Variants in DOCK4 observed in about 807,000 individuals in gnomAD.
DOCK4 encodes dedicator of cytokinesis 4, also known as dedicator of cytokinesis protein 4.
In DOCK4, 97 loss-of-function variants were observed where a neutral mutation model predicts 268.1. That is an observed-to-expected ratio of 0.36 (90% CI 0.31 to 0.43). DOCK4 has a LOEUF of 0.43. Among genes scored for constraint, DOCK4 ranks in the 20% least tolerant of loss-of-function variants. The pLI is 1.00. For missense variants in DOCK4, 2,145 were observed against 2,455.7 expected (o/e 0.87, Z 2.67); for synonymous variants, 954 against 887.2 (o/e 1.08, Z -1.34).
At chr7:111,963,343 T>G (rs879671955) in intron 8 of DOCK4, among the ~76,000 whole-genome samples, 14 of 137,882 alleles carry the variant, frequency 1.0e-4, no homozygotes, top group South Asian at 4.8e-4. Flanking sequence ...CAGGCCAGTG[T>G]GTGTGCGCAC....
At chr7:112,169,035 G>A (rs1817847992) in intron 1 of DOCK4, among the ~76,000 whole-genome samples, 1 of 152,202 alleles carries the variant, frequency 6.6e-6, no homozygotes, top group East Asian at 1.9e-4. Flanking sequence ...AATGTTGGAG[G>A]AGGGCCCTAG....
chr7:111,954,526 A>G (rs1796304726), intron 8 of DOCK4, among the ~76,000 whole-genome samples: 1 of 152,154 alleles, frequency 6.6e-6, no homozygotes, highest in Non-Finnish European at 1.5e-5. Context: ...AAGGGAATGA[A>G]TAACTCCTCC....
At chr7:111,766,696 A>C (rs562629357) in intron 38 of DOCK4, among the ~76,000 whole-genome samples, 127 of 152,366 alleles carry the variant, frequency 8.3e-4, no homozygotes, top group Middle Eastern at 6.8e-3. Flanking sequence ...TATGGGACTA[A>C]GAATGGTATA....
At chr7:112,002,653 A>C (rs1451191683) in intron 2 of DOCK4, among the ~76,000 whole-genome samples, 2 of 152,232 alleles carry the variant, frequency 1.3e-5, no homozygotes, top group African/African-American at 4.8e-5. Flanking sequence ...TAAAAATATC[A>C]TCATAATATA....
intron 1 of DOCK4, among the ~76,000 whole-genome samples, chr7:112,010,537 A>T (rs1801206271): frequency 6.6e-6 from 1 of 152,170 alleles, no homozygotes; most frequent in African/African-American, 2.4e-5. Context: ...CTATGGTTCA[A>T]ATGAACTCAC....
intron 1 of DOCK4, among the ~76,000 whole-genome samples, chr7:112,124,631 C>T (rs1395185754): frequency 1.3e-5 from 2 of 152,150 alleles, no homozygotes; most frequent in African/African-American, 4.8e-5. Flanking sequence ...ATATCATTTC[C>T]TCATTTATAA....
intron 26 of DOCK4, among the ~76,000 whole-genome samples, chr7:111,830,423 C>T (rs571167390): frequency 7.7e-6 from 1 of 130,280 alleles, no homozygotes; most frequent in Non-Finnish European, 1.6e-5. Flanking sequence ...GAGACTCATT[C>T]TCAAAACAAA....
chr7:111,804,727 G>A (rs1277867006), intron 30 of DOCK4, among the ~76,000 whole-genome samples: 1 of 151,906 alleles, frequency 6.6e-6, no homozygotes, highest in African/African-American at 2.4e-5. Context: ...TGCCTTCCAA[G>A]TAGCTAGGAT....
At chr7:112,162,854 C>T (rs1044657516) in intron 1 of DOCK4, among the ~76,000 whole-genome samples, 2 of 152,066 alleles carry the variant, frequency 1.3e-5, no homozygotes, top group African/African-American at 4.8e-5. Flanking sequence ...TTACTTAAAC[C>T]CTAACATATA....
At chr7:112,070,985 C>CA (rs2135668291) in intron 1 of DOCK4, among the ~76,000 whole-genome samples, 1 of 152,136 alleles carries the variant, frequency 6.6e-6, no homozygotes, top group African/African-American at 2.4e-5. Context: ...ACCTAAAAAG[C>CA]AAAAAACAAA....
chr7:111,822,559 G>T, intron 26 of DOCK4, 103 bp from the exon 27 acceptor site: 2 of 1,016,778 alleles, frequency 2.0e-6, no homozygotes, highest in East Asian at 2.7e-5. Context: ...CATTTCCAAA[G>T]CAATTATAGA....
intron 1 of DOCK4, among the ~76,000 whole-genome samples, chr7:112,028,911 T>C (rs569105367): frequency 3.9e-5 from 6 of 152,370 alleles, no homozygotes; most frequent in Non-Finnish European, 8.8e-5. Flanking sequence ...AGACCGCTAA[T>C]TATTTAAACA....
intron 1 of DOCK4, among the ~76,000 whole-genome samples, chr7:112,022,443 G>C (rs949580463): frequency 1.3e-5 from 2 of 152,194 alleles, no homozygotes; most frequent in African/African-American, 4.8e-5. Flanking sequence ...TGTAATTACT[G>C]CTCCTTGAGA....
intron 7 of DOCK4, among the ~76,000 whole-genome samples, chr7:111,978,252 G>A (rs1340741528): frequency 3.3e-5 from 5 of 152,118 alleles, no homozygotes; most frequent in African/African-American, 1.2e-4. Flanking sequence ...TTATTTTTGA[G>A]GCAGTATCTT....
intron 1 of DOCK4, among the ~76,000 whole-genome samples, chr7:112,166,844 T>C (rs1286811355): frequency 1.3e-5 from 2 of 152,234 alleles, no homozygotes; most frequent in East Asian, 3.9e-4. Flanking sequence ...TTCTTTTTTT[T>C]TTTAAGAGAC....
intron 1 of DOCK4, among the ~76,000 whole-genome samples, chr7:112,066,757 G>T (rs1807102068): frequency 8.4e-6 from 1 of 119,340 alleles, no homozygotes; most frequent in South Asian, 2.6e-4. Flanking sequence ...TATTGGCTCT[G>T]TGTCTCTGGA....
intron 1 of DOCK4, among the ~76,000 whole-genome samples, chr7:112,034,206 C>T (rs1354171179): frequency 2.0e-5 from 3 of 152,138 alleles, no homozygotes; most frequent in African/African-American, 7.2e-5. Flanking sequence ...GAATCAAACA[C>T]GATTCCTGAA....
At chr7:111,995,934 C>T (rs1210564207) in intron 4 of DOCK4, among the ~76,000 whole-genome samples, 1 of 152,116 alleles carries the variant, frequency 6.6e-6, no homozygotes, top group Non-Finnish European at 1.5e-5. Context: ...AGACACAGAA[C>T]CTTTTATTAA....
At chr7:111,749,685 G>A (rs1585867438) in intron 42 of DOCK4, among the ~76,000 whole-genome samples, 1 of 152,038 alleles carries the variant, frequency 6.6e-6, no homozygotes, top group African/African-American at 2.4e-5. Context: ...GAAGAAAAGG[G>A]GCAAAGGATA....
Sources: allele counts gnomAD v4.1 joint callset (sites outside exome capture counted in the v4.1 genomes callset), GRCh38; gene constraint gnomAD v4.1.1; transcripts MANE v1.5; gene names NCBI Gene and HGNC (gene_info 2026-07-23, HGNC 2026-07-21).